Variants in CLSTN2 observed in about 807,000 individuals in gnomAD.
CLSTN2 encodes calsyntenin 2.
CLSTN2 carries 48 observed loss-of-function variants against 101.2 expected under a neutral mutation model. The ratio of observed to expected loss-of-function variants is 0.47; its 90% CI spans 0.38 to 0.60. The LOEUF (loss-of-function observed/expected upper bound fraction) is 0.60, where lower values mean the gene tolerates loss of function less well. Ranked by LOEUF, CLSTN2 falls within the 20% of genes least tolerant of loss-of-function variation. The probability of loss-of-function intolerance (pLI) is 0.00; values close to 1 mark genes in which losing one functional copy is unlikely to be tolerated. For missense variants in CLSTN2, 1,160 were observed against 1,238.2 expected (o/e 0.94, Z 0.95); for synonymous variants, 481 against 463.6 (o/e 1.04, Z -0.48).
At chr3:140,240,215 CACACACATAT>C (rs71864950) in intron 2 of CLSTN2, among the ~76,000 whole-genome samples, 2,889 of 30,834 alleles carry the variant, frequency 0.094, 732 homozygotes, top group East Asian at 0.39. Context: ...CACACACACA[CACACACATAT>C]ATATATATGC....
intron 1 of CLSTN2, among the ~76,000 whole-genome samples, chr3:140,090,664 T>A (rs2008763435): frequency 6.6e-6 from 1 of 152,030 alleles, no homozygotes; most frequent in African/African-American, 2.4e-5. Flanking sequence ...ACAGTGAATC[T>A]CATGGGAAGA....
At chr3:140,384,148 G>A (rs1160850408) in intron 2 of CLSTN2, among the ~76,000 whole-genome samples, 4 of 152,232 alleles carry the variant, frequency 2.6e-5, no homozygotes, top group Non-Finnish European at 5.9e-5. Context: ...AATGAAAGTT[G>A]TTGTGAGGCA....
chr3:140,476,807 T>C (rs760855975), intron 8 of CLSTN2, among the ~76,000 whole-genome samples: 13 of 152,056 alleles, frequency 8.5e-5, no homozygotes, highest in Non-Finnish European at 1.8e-4. Flanking sequence ...TACAGGTGCC[T>C]GCCACCATGC....
At position 140,060,803 on chromosome 3, in the gene CLSTN2, T is replaced by C. The variant is rs199680330; in HGVS notation, c.110-115148T>C. Among the ~76,000 whole-genome samples the C allele has an allele frequency of 5.3e-5, 8 of 152,208 alleles. No homozygotes were observed. In the East Asian group the frequency reaches 9.6e-4, roughly 18 times the overall value. On this transcript the variant is annotated intron_variant, in intron 1 of 16. Coordinates refer to ENST00000458420, the MANE Select transcript of CLSTN2 (RefSeq NM_022131.3). ...CCCTTTTGTGCTTTGTACACATAGA[T>C]ACTGAGTTCAGGATCTGATTTTCGT...
At chr3:140,118,142 G>A (rs538993916) in intron 1 of CLSTN2, among the ~76,000 whole-genome samples, 25 of 152,188 alleles carry the variant, frequency 1.6e-4, no homozygotes, top group Admixed American at 3.9e-4. Context: ...ATAGGGTCAC[G>A]GTGGTCTGCA....
chr3:140,262,378 G>A (rs114938558), intron 2 of CLSTN2, among the ~76,000 whole-genome samples: 277 of 152,282 alleles, frequency 1.8e-3, no homozygotes, highest in African/African-American at 6.5e-3. Context: ...GGCAGGCATG[G>A]CACAAGAGAG....
intron 8 of CLSTN2, among the ~76,000 whole-genome samples, chr3:140,482,562 G>A (rs186709035): frequency 6.6e-5 from 10 of 152,190 alleles, no homozygotes; most frequent in South Asian, 2.1e-4. Context: ...GCTGTGAATC[G>A]ATCTGGTCCT....
At chr3:140,211,490 C>T (rs1192715261) in intron 2 of CLSTN2, among the ~76,000 whole-genome samples, 2 of 149,296 alleles carry the variant, frequency 1.3e-5, no homozygotes, top group African/African-American at 5.0e-5. Context: ...ACTTATCTTG[C>T]TCTCAGATTT....
At chr3:140,451,487 C>A (rs1306133589) in intron 6 of CLSTN2, among the ~76,000 whole-genome samples, 1 of 152,154 alleles carries the variant, frequency 6.6e-6, no homozygotes, top group African/African-American at 2.4e-5. Flanking sequence ...CTGCCCCCCA[C>A]ACCTATGGTA....
chr3:140,357,743 T>G (rs1217526394), intron 2 of CLSTN2, among the ~76,000 whole-genome samples: 1 of 152,178 alleles, frequency 6.6e-6, no homozygotes, highest in Non-Finnish European at 1.5e-5. Context: ...GAGACAGGGT[T>G]AGTCCTATGC....
chr3:140,270,148 A>G (rs1464092504), intron 2 of CLSTN2, among the ~76,000 whole-genome samples: 2 of 152,206 alleles, frequency 1.3e-5, no homozygotes, highest in Non-Finnish European at 2.9e-5. Context: ...TGTGATGGCT[A>G]CCATTAATTG....
intron 2 of CLSTN2, among the ~76,000 whole-genome samples, chr3:140,210,799 A>G (rs2010845854): frequency 6.6e-6 from 1 of 152,096 alleles, no homozygotes; most frequent in Non-Finnish European, 1.5e-5. Context: ...AACCTACAGA[A>G]TGAACGTAAT....
intron 4 of CLSTN2, among the ~76,000 whole-genome samples, chr3:140,418,587 G>A (rs575528978): frequency 8.0e-4 from 115 of 144,568 alleles, no homozygotes; most frequent in African/African-American, 2.6e-3. Flanking sequence ...GCACGATCTC[G>A]GCTCACTGCA....
intron 1 of CLSTN2, among the ~76,000 whole-genome samples, chr3:140,024,593 G>T (rs892043658): frequency 5.9e-5 from 9 of 152,168 alleles, no homozygotes; most frequent in Non-Finnish European, 1.2e-4. Context: ...CTGCAGGCAG[G>T]AGCTGGGTAC....
At chr3:140,098,364 C>T (rs1011441485) in intron 1 of CLSTN2, among the ~76,000 whole-genome samples, 2 of 152,170 alleles carry the variant, frequency 1.3e-5, no homozygotes, top group African/African-American at 4.8e-5. Flanking sequence ...GCCTTTTCCA[C>T]ACCATTAAAT....
chr3:140,222,648 A>T (rs559282585), intron 2 of CLSTN2, among the ~76,000 whole-genome samples: 1 of 152,132 alleles, frequency 6.6e-6, no homozygotes, highest in African/African-American at 2.4e-5. Context: ...AAAAGAATGA[A>T]TAGAACCTAG....
intron 1 of CLSTN2, among the ~76,000 whole-genome samples, chr3:140,117,969 T>A (rs1157321822): frequency 6.6e-6 from 1 of 152,222 alleles, no homozygotes. Context: ...TCCCCAAATT[T>A]ATATGTTGAA....
intron 8 of CLSTN2, among the ~76,000 whole-genome samples, chr3:140,510,416 T>G (rs1007962942): frequency 1.3e-5 from 2 of 152,188 alleles, no homozygotes; most frequent in Admixed American, 1.3e-4. Flanking sequence ...AGGCACATCA[T>G]CAGTGCATAA....
chr3:140,484,463 A>T (rs141418271), intron 8 of CLSTN2, among the ~76,000 whole-genome samples: 1 of 151,862 alleles, frequency 6.6e-6, no homozygotes, highest in East Asian at 1.9e-4. Context: ...CTTCTCAAGG[A>T]GTATCTTTGT....
Sources: gnomAD v4.1 joint callset for allele counts (sites outside exome capture counted in the v4.1 genomes callset) on GRCh38, gnomAD v4.1.1 for gene constraint, MANE v1.5 for transcripts, NCBI Gene and HGNC (gene_info 2026-07-23, HGNC 2026-07-21) for gene names.